ABCG1: variants seen among roughly 807,000 people sequenced by gnomAD.
ABCG1 encodes the protein ATP binding cassette subfamily G member 1, also known as ATP-binding cassette sub-family G member 1.
Under a neutral mutation model 69.2 loss-of-function variants are expected in ABCG1, and 29 were observed. The observed-to-expected ratio is 0.42, with a 90% CI of 0.31 to 0.57. The LOEUF is 0.57. Ranked by LOEUF, ABCG1 falls within the 20% of genes least tolerant of loss-of-function variation. The pLI is 0.15. For synonymous variants in ABCG1, 370 were observed against 374.8 expected (o/e 0.99, Z 0.15); for missense variants, 718 against 898.1 (o/e 0.80, Z 2.56).
chr21:42,248,763 T>C (rs2068173964), intron 2 of ABCG1, among the ~76,000 whole-genome samples: 1 of 151,298 alleles, frequency 6.6e-6, no homozygotes, highest in Non-Finnish European at 1.5e-5. Context: ...AAAAAACACC[T>C]GGGCATGGTG....
At position 42,226,028 on chromosome 21, in the gene ABCG1, A is replaced by G. The variant is rs1047954182; in HGVS notation, c.286+114A>G. 6 of 1,211,682 alleles carry G rather than the reference A, an allele frequency of 5.0e-6. No homozygotes were observed. In the African/African-American group the frequency reaches 9.1e-5, roughly 18 times the overall value. The allele number at this position is 1,211,682 out of a possible 1,614,324, so 75.1% of individuals were successfully genotyped here. ...TTGAGAGGCTGAGCTTCTCTTCCCA[A>G]CGCCGTCACTGCTGTGGTCAATTTA... is the stretch of plus-strand genomic sequence containing the variant. On this transcript the variant is annotated intron_variant, in intron 2 of 14. Coordinates refer to ENST00000398449, the MANE Select transcript of ABCG1 (RefSeq NM_016818.3).
chr21:42,244,676 G>C (rs980228987), intron 2 of ABCG1, among the ~76,000 whole-genome samples: 2 of 152,190 alleles, frequency 1.3e-5, no homozygotes, highest in African/African-American at 4.8e-5. Context: ...GCACATGGCA[G>C]TGGTCGTCTG....
chr21:42,250,962 G>A (rs1295090869), intron 2 of ABCG1, among the ~76,000 whole-genome samples: 1 of 152,172 alleles, frequency 6.6e-6, no homozygotes, highest in African/African-American at 2.4e-5. Flanking sequence ...TTGCTGGCAG[G>A]AACGGCAGGG....
chr21:42,243,290 C>T (rs545488915), intron 2 of ABCG1, among the ~76,000 whole-genome samples: 1 of 152,308 alleles, frequency 6.6e-6, no homozygotes, highest in African/African-American at 2.4e-5. Flanking sequence ...TCATGTCCTC[C>T]AGGGTACCTT....
intron 2 of ABCG1, among the ~76,000 whole-genome samples, chr21:42,226,782 G>A (rs948365543): frequency 6.6e-6 from 1 of 152,174 alleles, no homozygotes; most frequent in African/African-American, 2.4e-5. Flanking sequence ...AGAAACCATG[G>A]TCCCTAGTTT....
At chr21:42,247,429 GA>G (rs1174798518) in intron 2 of ABCG1, among the ~76,000 whole-genome samples, 1 of 152,234 alleles carries the variant, frequency 6.6e-6, no homozygotes, top group African/African-American at 2.4e-5. Flanking sequence ...AGGCCACAAA[GA>G]GGGGCAGAAC....
At chr21:42,270,366 A>C (rs2068594714) in intron 2 of ABCG1, among the ~76,000 whole-genome samples, 1 of 151,862 alleles carries the variant, frequency 6.6e-6, no homozygotes, top group Admixed American at 6.6e-5. Flanking sequence ...TCTATTTGAA[A>C]AAAAATTAAT....
At chr21:42,218,595 A>G (rs544909348), upstream of ABCG1, among the ~76,000 whole-genome samples, 11 of 152,296 alleles carry the variant, frequency 7.2e-5, no homozygotes, top group East Asian at 2.1e-3. Flanking sequence ...GTGAGTGCAC[A>G]CGATGCCTCA....
At chr21:42,227,962 C>T (rs2067843624) in intron 2 of ABCG1, among the ~76,000 whole-genome samples, 1 of 152,208 alleles carries the variant, frequency 6.6e-6, no homozygotes, top group Admixed American at 6.5e-5. Context: ...TCACACCTCT[C>T]GCCCAGTCCC....
chr21:42,294,634 G>C lies in ABCG1; in HGVS notation c.1746G>C (p.Gln582His). The stretch of plus-strand genomic sequence containing the variant: ...TCGACACCATCCCCACGTACCTACA[G>C]TGGATGTCCTACATCTCCTATGTCA... Reference protein sequence around the residue: ...VSFDTIPTYLQWMSYISYVRY... With the variant: ...VSFDTIPTYLHWMSYISYVRY... The change falls in exon 14 of 15, where the codon CAG (glutamine) becomes CAC (histidine). Residue 582 changes from glutamine to histidine, a missense_variant. Transcript: ENST00000398449. 6.2e-7 allele frequency: 1 copy of C among 1,614,208 alleles called. No individual in the cohort carries two copies. The highest frequency in any genetic ancestry group is 8.5e-7 in the Non-Finnish European group (1 of 1,180,002).
chr21:42,274,296 C>T (rs905494212), intron 4 of ABCG1, among the ~76,000 whole-genome samples: 1 of 152,210 alleles, frequency 6.6e-6, no homozygotes, highest in African/African-American at 2.4e-5. Context: ...CCCACAGTAT[C>T]TTCACTTATG....
chr21:42,274,491 T>TG (rs1569231258), intron 4 of ABCG1, among the ~76,000 whole-genome samples: 2 of 148,604 alleles, frequency 1.3e-5, no homozygotes, highest in Admixed American at 6.7e-5. Context: ...TTTTTTTTTT[T>TG]GGGGACAGAG....
chr21:42,259,001 C>T (rs2068358174), intron 2 of ABCG1, among the ~76,000 whole-genome samples: 1 of 152,192 alleles, frequency 6.6e-6, no homozygotes, highest in African/African-American at 2.4e-5. Context: ...GAGGGCATAG[C>T]CAGTGCTTTC....
In ABCG1 at chr21:42,273,330, C is replaced by T; in HGVS notation, c.432C>T (p.Leu144=). ...AGACGGGCATGAAGGGGGCCGTCCT[C>T]ATCAACGGCCTGCCCCGGGACCTGC... ...YRETGMKGAV[L]INGLPRDLRC... The change falls in exon 4 of 15, where the codon CTC becomes CTT. Residue 144 remains leucine, a synonymous_variant. Transcript: ENST00000398449. The surrounding 1 kb of genome is among the most constrained non-coding windows in gnomAD (Gnocchi z 5.3). 4 of 1,613,756 alleles carry T rather than the reference C, an allele frequency of 2.5e-6. No individual in the cohort carries two copies. Among genetic ancestry groups the T allele is most frequent in the Non-Finnish European group, 3.4e-6 (4 of 1,179,968 alleles).
At chr21:42,240,421 T>C (rs1341397256) in intron 2 of ABCG1, among the ~76,000 whole-genome samples, 1 of 152,276 alleles carries the variant, frequency 6.6e-6, no homozygotes, top group African/African-American at 2.4e-5. Flanking sequence ...AAATGTTTAC[T>C]GCCTTCACAC....
chr21:42,220,458 G>C (rs1156889558), intron 1 of ABCG1, among the ~76,000 whole-genome samples: 1 of 151,878 alleles, frequency 6.6e-6, no homozygotes, highest in Non-Finnish European at 1.5e-5. Flanking sequence ...CGCATGCTCC[G>C]CTGTGACAAC....
At chr21:42,240,043 A>G (rs891600981) in intron 2 of ABCG1, among the ~76,000 whole-genome samples, 3 of 152,224 alleles carry the variant, frequency 2.0e-5, no homozygotes, top group African/African-American at 4.8e-5. Context: ...GTGGGAGCCC[A>G]TGGTGCCTTC....
At chr21:42,285,767 G>A (rs1178297582) in intron 7 of ABCG1, 113 bp from the exon 8 acceptor site, 10 of 765,590 alleles carry the variant, frequency 1.3e-5, no homozygotes, top group African/African-American at 3.4e-5. Context: ...GTGGCTGATC[G>A]CTGGGCTGAC....
intron 2 of ABCG1, among the ~76,000 whole-genome samples, chr21:42,270,628 A>G (rs1025534836): frequency 6.6e-6 from 1 of 152,254 alleles, no homozygotes; most frequent in African/African-American, 2.4e-5. Context: ...TAAGTGAATT[A>G]TTAATTAAAA....
Sources: gnomAD v4.1 joint callset for allele counts (sites outside exome capture counted in the v4.1 genomes callset) on GRCh38, gnomAD v4.1.1 for gene constraint, Gnocchi (gnomAD v3.1) non-coding constraint, MANE v1.5 for transcripts, NCBI Gene and HGNC (gene_info 2026-07-23, HGNC 2026-07-21) for gene names.